MICAL3: variants seen among roughly 807,000 people sequenced by gnomAD.
The protein encoded by MICAL3 is [F-actin]-monooxygenase MICAL3.
In MICAL3, 62 loss-of-function variants were observed where a neutral mutation model predicts 207.4. The observed-to-expected ratio is 0.30, with a 90% CI of 0.24 to 0.37. The LOEUF is 0.37. MICAL3 is among the 10% of genes least tolerant of loss of function. The pLI is 1.00. For synonymous variants in MICAL3, 1,077 were observed against 1,069.3 expected (o/e 1.01, Z -0.14); for missense variants, 2,368 against 2,635.6 (o/e 0.90, Z 2.22).
At chr22:17,891,756 A>T (rs1453729869) in intron 11 of MICAL3, 124 bp from the exon 12 acceptor site, 2 of 808,552 alleles carry the variant, frequency 2.5e-6, no homozygotes, top group Non-Finnish European at 4.0e-6. Context: ...AACAGTCAAC[A>T]CTAGTTTCCA....
chr22:17,859,167 A>G (rs1303691354), intron 19 of MICAL3, among the ~76,000 whole-genome samples: 8 of 152,142 alleles, frequency 5.3e-5, no homozygotes, highest in Admixed American at 5.2e-4. Flanking sequence ...GCTGTGAGCT[A>G]CTGGGGGGTG....
At chr22:17,888,083 T>C (rs1001236009) in intron 13 of MICAL3, among the ~76,000 whole-genome samples, 2 of 152,370 alleles carry the variant, frequency 1.3e-5, no homozygotes, top group South Asian at 2.1e-4. Context: ...CATTAATTCA[T>C]AGTAAATCAC....
chr22:17,938,475 G>A (rs114194383), intron 1 of MICAL3, among the ~76,000 whole-genome samples: 1,956 of 152,218 alleles, frequency 0.013, 41 homozygotes, highest in African/African-American at 0.044. Flanking sequence ...TTTTCCCTAC[G>A]CTGCTGTGTT....
At position 17,907,088 on chromosome 22, in the gene MICAL3, G is replaced by A. The variant is rs149318599; in HGVS notation, c.-74-202C>T. 8.1e-4 allele frequency among the ~76,000 whole-genome samples: 123 copies of A among 152,328 alleles called. 3 individuals carry two copies. The South Asian group carries it at 0.02, about 24-fold the overall frequency. On this transcript the variant is annotated intron_variant, in intron 1 of 31. Coordinates refer to ENST00000441493, the MANE Select transcript of MICAL3 (RefSeq NM_015241.3). ...GGATGGTTCTTGCTCTCAAGGATCTGACAGTCTAGGAGACGAGGCAGACAC... is the reference window on the plus strand; with the variant it reads ...GGATGGTTCTTGCTCTCAAGGATCTAACAGTCTAGGAGACGAGGCAGACAC...
At chr22:17,876,819 AGGG>A (rs1569109126) in intron 16 of MICAL3, 13 of 122,624 alleles carry the variant, frequency 1.1e-4, no homozygotes, top group African/African-American at 2.7e-4. Flanking sequence ...TAGGGAGGTT[AGGG>A]AGGTTATGGA....
At chr22:17,850,410 T>TG (rs1280336844) in intron 19 of MICAL3, among the ~76,000 whole-genome samples, 1 of 128,358 alleles carries the variant, frequency 7.8e-6, no homozygotes, top group African/African-American at 3.2e-5. Flanking sequence ...GTTTTTTTTT[T>TG]TTTTTTTTTT....
chr22:17,927,535 T>C (rs1332276057), intron 1 of MICAL3, among the ~76,000 whole-genome samples: 1 of 152,230 alleles, frequency 6.6e-6, no homozygotes, highest in Non-Finnish European at 1.5e-5. Context: ...ACCTTGGGGC[T>C]GCAGGTCCTG....
chr22:17,838,832 A>G (rs1923680922), intron 20 of MICAL3, among the ~76,000 whole-genome samples: 1 of 152,180 alleles, frequency 6.6e-6, no homozygotes, highest in South Asian at 2.1e-4. Flanking sequence ...ACGGCTGGAA[A>G]GGCACCCAAT....
At chr22:17,836,810 A>AT (rs1479568870) in intron 20 of MICAL3, among the ~76,000 whole-genome samples, 2 of 151,980 alleles carry the variant, frequency 1.3e-5, no homozygotes, top group Non-Finnish European at 2.9e-5. Context: ...CGCCTGGCTA[A>AT]TTTTTTGTAC....
intron 21 of MICAL3, among the ~76,000 whole-genome samples, chr22:17,830,805 C>T (rs536975675): frequency 2.0e-5 from 3 of 152,238 alleles, no homozygotes; most frequent in Non-Finnish European, 4.4e-5. Flanking sequence ...AAGTCCCTGA[C>T]GCCAGCTGTT....
intron 27 of MICAL3, 77 bp from the exon 28 acceptor site, chr22:17,810,890 G>T (rs2145990651): frequency 8.9e-7 from 1 of 1,126,666 alleles, no homozygotes; most frequent in Non-Finnish European, 1.3e-6. Flanking sequence ...GCCAACAGGG[G>T]CCTGGAGAGG....
chr22:17,830,975 C>A (rs1267724794), intron 21 of MICAL3, among the ~76,000 whole-genome samples: 1 of 152,206 alleles, frequency 6.6e-6, no homozygotes, highest in Non-Finnish European at 1.5e-5. Context: ...CCGGATGGGA[C>A]TGGGCAGCAA....
rs536051432 is a variant in MICAL3, at chr22:17,941,019, T to G, written c.-74-34133A>C. 7.2e-5 allele frequency among the ~76,000 whole-genome samples: 11 copies of G among 152,122 alleles called. 1 individual carries two copies. The Middle Eastern group carries it at 0.01, about 141-fold the overall frequency. On this transcript the variant is annotated intron_variant, in intron 1 of 31. Coordinates refer to ENST00000441493, the MANE Select transcript of MICAL3 (RefSeq NM_015241.3). ...TGCCTAGGCCACGGGATGAACCCAC[T>G]AAAGAAAGCATGAGATGCTCAGTTA...
rs1569065711 is a variant in MICAL3 at position 17,793,222 on chromosome 22, T to C, written c.5651-1921A>G. Reference sequence around the variant, plus strand: ...CACATGCCTTTCAACGACAATCTTATCACCACAACAGACTTCAAATCAGAC... The same window carrying C: ...CACATGCCTTTCAACGACAATCTTACCACCACAACAGACTTCAAATCAGAC... On this transcript the variant is annotated intron_variant, in intron 29 of 31. Coordinates refer to ENST00000441493, the MANE Select transcript of MICAL3 (RefSeq NM_015241.3). This position sits in a 1 kb window ranked among gnomAD's most constrained non-coding sequence, Gnocchi z 4.1. Among the ~76,000 whole-genome samples, 2 of 152,196 alleles carry C rather than the reference T, an allele frequency of 1.3e-5. No individual in the cohort carries two copies. Among genetic ancestry groups the C allele is most frequent in the Admixed American group, 6.5e-5 (1 of 15,286 alleles).
rs753552245 is a variant in MICAL3, at chr22:17,865,992, G to A, written c.2449C>T (p.His817Tyr). Residue 817 changes from histidine (H) to tyrosine (Y), a missense_variant, in exon 18 of 32, where the codon CAC (histidine) becomes TAC (tyrosine). Physicochemically the swap from His to Tyr is moderately conservative, Grantham distance 83 (BLOSUM62 2). Transcript: ENST00000441493. ...TAGCCAGAGAGTCGATAGCAGTAGT[G>A]TGGCTTACAGTAGAATTTACCTGCA... ...IEDGKFYCKPHYCYRLSGYAQ... is the reference protein window; with the variant it reads ...IEDGKFYCKPYYCYRLSGYAQ... 1 of 1,613,796 alleles carries A rather than the reference G, an allele frequency of 6.2e-7. No individual in the cohort carries two copies. The highest frequency in any genetic ancestry group is 8.5e-7 in the Non-Finnish European group (1 of 1,179,662).
At chr22:17,854,654 T>G (rs1211146200) in intron 19 of MICAL3, among the ~76,000 whole-genome samples, 4 of 152,204 alleles carry the variant, frequency 2.6e-5, no homozygotes, top group Non-Finnish European at 5.9e-5. Flanking sequence ...CGCCTGAACT[T>G]TCCCTTGTCT....
Position 17,902,531 on chromosome 22 carries a change from G to T in MICAL3, c.589+100C>A. 1 of 680,714 alleles carries T rather than the reference G, an allele frequency of 1.5e-6. No homozygotes were observed. The highest frequency in any genetic ancestry group is 1.9e-5 in the South Asian group (1 of 52,242). The allele number at this position is 680,714 out of a possible 1,614,324, so 42.2% of individuals were successfully genotyped here. A position where few individuals can be genotyped will look rare whatever the true frequency, so the allele number is the denominator to read the frequency against. ...AAAGGCACAGGCTTTGGCTAGCTCT[G>T]GAAGCAGCCCTCAGGAGCCTTTGGT... is the stretch of plus-strand genomic sequence containing the variant. On this transcript the variant is annotated intron_variant, in intron 4 of 31. Transcript: ENST00000441493. This position sits in a 1 kb window ranked among gnomAD's most constrained non-coding sequence, Gnocchi z 4.5.
At chr22:17,932,935 C>T (rs113042549) in intron 1 of MICAL3, among the ~76,000 whole-genome samples, 3 of 152,120 alleles carry the variant, frequency 2.0e-5, no homozygotes, top group African/African-American at 7.2e-5. Flanking sequence ...CCTAAATATA[C>T]ATGCACCCAA....
intron 1 of MICAL3, among the ~76,000 whole-genome samples, chr22:17,966,896 T>G (rs1358128803): frequency 6.6e-6 from 1 of 152,158 alleles, no homozygotes; most frequent in Non-Finnish European, 1.5e-5. Context: ...CTGTAAGAAC[T>G]AGACAAAGGA....
Sources: allele counts gnomAD v4.1 joint callset (sites outside exome capture counted in the v4.1 genomes callset), GRCh38; gene constraint gnomAD v4.1.1; non-coding constraint Gnocchi (gnomAD v3.1); transcripts MANE v1.5; gene names NCBI Gene and HGNC (gene_info 2026-07-23, HGNC 2026-07-21).